Variants in GHR observed in about 807,000 individuals in gnomAD.
GHR encodes the protein GH receptor.
Under a neutral mutation model 67.1 loss-of-function variants are expected in GHR, and 35 were observed. That is an observed-to-expected ratio of 0.52 (90% confidence interval 0.40 to 0.69). The LOEUF is 0.69. GHR is among the 30% of genes least tolerant of loss of function. GHR has a pLI of 0.00. For synonymous variants in GHR, 272 were observed against 269.1 expected (o/e 1.01, Z -0.10); for missense variants, 792 against 764.6 (o/e 1.04, Z -0.42).
chr5:42,468,643 C>T (rs1744849981), intron 1 of GHR: 5 of 1,066,858 alleles, frequency 4.7e-6, no homozygotes, highest in Non-Finnish European at 7.2e-6. Flanking sequence ...TGCTGTCTTT[C>T]TGGGACTCCT....
intron 3 of GHR, among the ~76,000 whole-genome samples, chr5:42,680,746 C>A (rs1304646163): frequency 6.6e-6 from 1 of 151,994 alleles, no homozygotes; most frequent in Non-Finnish European, 1.5e-5. Flanking sequence ...CTCAGGTAAT[C>A]CACCCGCCTC....
intron 2 of GHR, among the ~76,000 whole-genome samples, chr5:42,571,355 G>T (rs201995335): frequency 6.6e-6 from 1 of 152,192 alleles, no homozygotes; most frequent in East Asian, 1.9e-4. Flanking sequence ...TGCAGTGAGG[G>T]TCTACAGCAA....
intron 1 of GHR, among the ~76,000 whole-genome samples, chr5:42,476,946 T>C (rs2034116901): frequency 6.6e-6 from 1 of 152,158 alleles, no homozygotes; most frequent in South Asian, 2.1e-4. Context: ...GTTTGTTACA[T>C]ATGTATACAT....
rs141855490 is a variant in GHR at position 42,431,034 on chromosome 5, C to T, written c.-12+7079C>T. On this transcript the variant is annotated intron_variant, in intron 1 of 9. Coordinates refer to ENST00000230882, the MANE Select transcript of GHR (RefSeq NM_000163.5). Reference sequence around the variant, plus strand: ...CTTCATATTTCTTGTATGTTAAAAACAAGCAAAAAGGAGAAGTAAACAAAA... The same window carrying T: ...CTTCATATTTCTTGTATGTTAAAAATAAGCAAAAAGGAGAAGTAAACAAAA... Among the ~76,000 whole-genome samples, 75 of 152,146 alleles carry T rather than the reference C, an allele frequency of 4.9e-4. No homozygotes were observed. The East Asian group carries it at 0.013, about 27-fold the overall frequency.
At chr5:42,474,256 AC>A (rs1271213990) in intron 1 of GHR, among the ~76,000 whole-genome samples, 23 of 131,768 alleles carry the variant, frequency 1.7e-4, no homozygotes, top group Admixed American at 2.4e-4. Context: ...AGAAAGACAG[AC>A]AGAAAGAAAG....
intron 1 of GHR, among the ~76,000 whole-genome samples, chr5:42,529,441 T>C (rs1401079556): frequency 6.6e-6 from 1 of 152,182 alleles, no homozygotes. Flanking sequence ...CAAGTTTATA[T>C]TTTGACATAC....
At chr5:42,536,638 G>A (rs1746926051) in intron 1 of GHR, among the ~76,000 whole-genome samples, 1 of 152,046 alleles carries the variant, frequency 6.6e-6, no homozygotes, top group African/African-American at 2.4e-5. Flanking sequence ...TTTTGGTTAT[G>A]TCCTTTCCTG....
intron 5 of GHR, 73 bp from the exon 6 acceptor site, chr5:42,699,751 T>G (rs1168926429): frequency 1.1e-6 from 1 of 946,134 alleles, no homozygotes; most frequent in Admixed American, 1.7e-5. Flanking sequence ...TAATTTGGTC[T>G]TCTGAGAAGA....
chr5:42,441,349 T>A (rs1045363938), intron 1 of GHR, among the ~76,000 whole-genome samples: 1 of 152,150 alleles, frequency 6.6e-6, no homozygotes, highest in Non-Finnish European at 1.5e-5. Flanking sequence ...TTAGGGAGAA[T>A]GAGTTTGTTG....
Position 42,532,563 on chromosome 5 carries a change from A to G in GHR, c.-11-33301A>G, listed in dbSNP as rs533425486. ...CCCCAGTCTCATTATTTTCTCTGCC[A>G]CCCCAGAGAAAACAACTGTCTTGCA... On this transcript the variant is annotated intron_variant, in intron 1 of 9. Coordinates refer to ENST00000230882, the MANE Select transcript of GHR (RefSeq NM_000163.5). Among the ~76,000 whole-genome samples, 97 of 152,198 alleles carry G rather than the reference A, an allele frequency of 6.4e-4. 1 individual carries two copies. Among genetic ancestry groups the G allele is most frequent in the African/African-American group, 2.3e-3 (94 of 41,554 alleles).
chr5:42,521,685 A>AT (rs1445354752), intron 1 of GHR, among the ~76,000 whole-genome samples: 2 of 152,002 alleles, frequency 1.3e-5, no homozygotes, highest in Admixed American at 6.6e-5. Flanking sequence ...TTTTCTTTTG[A>AT]TTTTTTTGCT....
Position 42,638,283 on chromosome 5 carries a change from C to G in GHR, c.136+9180C>G, listed in dbSNP as rs149557876. Among the ~76,000 whole-genome samples, 733 of 152,126 alleles carry G rather than the reference C, an allele frequency of 4.8e-3. 3 individuals are homozygous for G. Among genetic ancestry groups the G allele is most frequent in the Non-Finnish European group, 6.6e-3 (450 of 68,010 alleles). ...GTACTGGTTACCCTCTTTTAGTCTCCTGTTATCTTCAATTTCATAATTGGC... is the reference window on the plus strand; with the variant it reads ...GTACTGGTTACCCTCTTTTAGTCTCGTGTTATCTTCAATTTCATAATTGGC... On this transcript the variant is annotated intron_variant, in intron 3 of 9. Transcript: ENST00000230882.
At chr5:42,632,966 C>T (rs1466314064) in intron 3 of GHR, among the ~76,000 whole-genome samples, 2 of 152,166 alleles carry the variant, frequency 1.3e-5, no homozygotes, top group Admixed American at 6.5e-5. Context: ...AAGACAGGCA[C>T]CTCAACTAGG....
chr5:42,499,777 T>A (rs2112226204), intron 1 of GHR, among the ~76,000 whole-genome samples: 1 of 152,272 alleles, frequency 6.6e-6, no homozygotes, highest in African/African-American at 2.4e-5. Context: ...TGACTGAATC[T>A]TTTTTTGAGA....
chr5:42,487,519 A>T (rs1168814876), intron 1 of GHR, among the ~76,000 whole-genome samples: 1 of 152,220 alleles, frequency 6.6e-6, no homozygotes, highest in African/African-American at 2.4e-5. Flanking sequence ...GAGATCATGA[A>T]ATAAGACAAT....
rs1249523494 is a variant in GHR, at chr5:42,719,428, T to G, written c.*4T>G. 1.9e-6 allele frequency: 3 copies of G among 1,611,382 alleles called. No individual in the cohort carries two copies. In the South Asian group the frequency reaches 3.3e-5, roughly 18 times the overall value. ...ACTGAACAAAATCATGCCTTAGCCT[T>G]TCTTTGGTTTCCCAAGAGCTACGTA... On this transcript the variant is annotated 3_prime_UTR_variant, in exon 10 of 10. Coordinates refer to ENST00000230882, the MANE Select transcript of GHR (RefSeq NM_000163.5).
At chr5:42,587,407 TC>T (rs1437795953) in intron 2 of GHR, among the ~76,000 whole-genome samples, 1 of 152,164 alleles carries the variant, frequency 6.6e-6, no homozygotes, top group East Asian at 1.9e-4. Flanking sequence ...TTTTCCCCTT[TC>T]TCTTTTTGGT....
At chr5:42,558,877 T>A (rs945339099) in intron 1 of GHR, among the ~76,000 whole-genome samples, 1 of 152,250 alleles carries the variant, frequency 6.6e-6, no homozygotes, top group African/African-American at 2.4e-5. Flanking sequence ...TTTTATTTAA[T>A]TCAGCAGTTA....
At chr5:42,555,749 T>A (rs1749271416) in intron 1 of GHR, among the ~76,000 whole-genome samples, 1 of 152,178 alleles carries the variant, frequency 6.6e-6, no homozygotes, top group African/African-American at 2.4e-5. Context: ...AGCCTATGGC[T>A]AATTGTTAGG....
Sources: allele counts gnomAD v4.1 joint callset (sites outside exome capture counted in the v4.1 genomes callset), GRCh38; gene constraint gnomAD v4.1.1; transcripts MANE v1.5; gene names NCBI Gene and HGNC (gene_info 2026-07-23, HGNC 2026-07-21).